Variants in GBP2 observed in about 807,000 individuals in gnomAD.
The protein encoded by GBP2 is guanylate-binding protein 2.
GBP2 carries 54 observed loss-of-function variants against 60.8 expected under a neutral mutation model. That is an observed-to-expected ratio of 0.89 (90% CI 0.71 to 1.11). The LOEUF is 1.11. GBP2 is among the 50% of genes most tolerant of loss of function. The pLI is 0.00. For missense variants in GBP2, 665 were observed against 703.3 expected (o/e 0.95, Z 0.62); for synonymous variants, 243 against 256.5 (o/e 0.95, Z 0.50).
chr1:89,120,471 T>C (rs1681376109), intron 3 of GBP2, among the ~76,000 whole-genome samples, 183 bp from the exon 4 acceptor site: 1 of 152,206 alleles, frequency 6.6e-6, no homozygotes, highest in Non-Finnish European at 1.5e-5. Context: ...TTATGATGTA[T>C]AATTTAAGGT....
In GBP2 at chr1:89,125,568, T is replaced by C. The variant is rs192276257; in HGVS notation, c.-18+295A>G. On this transcript the variant is annotated intron_variant, in intron 1 of 10. Transcript: ENST00000370466. ...CCTAGAGCTCTACAAGTGGCAATAA[T>C]GAATGTGATGGAGCCCTAACTTTAT... Among the ~76,000 whole-genome samples, 1,227 of 152,218 alleles carry C rather than the reference T, an allele frequency of 8.1e-3. 7 individuals carry two copies. Among genetic ancestry groups the C allele is most frequent in the Admixed American group, 0.014 (217 of 15,300 alleles).
chr1:89,112,958 C>A lies in GBP2; in HGVS notation c.1150-274G>T, dbSNP rs139000410. 876 of 441,110 alleles carry A rather than the reference C, an allele frequency of 2.0e-3. 6 individuals are homozygous for A. The highest frequency in any genetic ancestry group is 0.016 in the African/African-American group (778 of 50,110). 27.3% of individuals were successfully genotyped at this position (441,110 alleles called of 1,614,324 possible). ...AGCACATACACTATTTCATACGAAA[C>A]TTTTATCTTTCCAAGTCTCTCATTT... On this transcript the variant is annotated intron_variant, in intron 7 of 10. Coordinates refer to ENST00000370466, the MANE Select transcript of GBP2 (RefSeq NM_004120.5).
chr1:89,113,990 C>G (rs771223814), intron 7 of GBP2, 26 bp downstream of exon 7: 11 of 1,610,510 alleles, frequency 6.8e-6, no homozygotes, highest in Non-Finnish European at 9.3e-6. Context: ...TTTTCTGCCT[C>G]TCATGACGTA....
At chr1:89,120,663 G>A (rs914818349) in intron 3 of GBP2, among the ~76,000 whole-genome samples, 1 of 151,976 alleles carries the variant, frequency 6.6e-6, no homozygotes, top group African/African-American at 2.4e-5. Flanking sequence ...TTTAATAAAA[G>A]CTTTCTATGT....
intron 10 of GBP2, 48 bp from the exon 11 acceptor site, chr1:89,108,339 A>G: frequency 7.4e-6 from 9 of 1,217,460 alleles, no homozygotes; most frequent in Non-Finnish European, 1.1e-5. Flanking sequence ...ACACATTTCC[A>G]CCAGATTAGT....
chr1:89,122,189 C>G (rs760754589), intron 1 of GBP2, among the ~76,000 whole-genome samples: 9 of 152,096 alleles, frequency 5.9e-5, no homozygotes, highest in Non-Finnish European at 1.2e-4. Flanking sequence ...AATACACTTA[C>G]AGAAAAGATG....
rs1681134529 is a variant in GBP2, at chr1:89,110,150, T to G, written c.1465+14A>C. 1 of 1,588,674 alleles carries G rather than the reference T, an allele frequency of 6.3e-7. No homozygotes were observed. The highest frequency in any genetic ancestry group is 1.7e-5 in the Admixed American group (1 of 59,078). ...AGCTTTCCGACCATGTAGAGTGTTT[T>G]CAGCTGTTCTCACCTTCAATCGCTT... is the stretch of plus-strand genomic sequence containing the variant. On this transcript the variant is annotated intron_variant, in intron 9 of 10. Transcript: ENST00000370466.
In GBP2 at chr1:89,112,540, G is replaced by A. The variant is rs567894250; in HGVS notation, c.1294C>T (p.Arg432Cys). 26 of 1,614,076 alleles carry A rather than the reference G, an allele frequency of 1.6e-5. No homozygotes were observed. The highest frequency in any genetic ancestry group is 1.0e-4 in the Admixed American group (6 of 60,004). ...TCCTGCAGCTTCTGAGTAAAGAGAC[G>A]GTAACCTCCTGGTTTAGAAAATGTT... The part of the protein sequence containing the change: ...QGTFSKPGGY[R>C]LFTQKLQELK... Residue 432 changes from arginine to cysteine, a missense_variant, in exon 8 of 11, where the codon CGT (arginine) becomes TGT (cysteine). Physicochemically the swap from Arg to Cys is radical, Grantham distance 180 (BLOSUM62 -3). Transcript: ENST00000370466.
At chr1:89,113,994 T>C (rs765693375) in intron 7 of GBP2, 22 bp downstream of exon 7, 2 of 1,611,518 alleles carry the variant, frequency 1.2e-6, no homozygotes. Flanking sequence ...CTGCCTCTCA[T>C]GACGTAGAAC....
chr1:89,114,143 A>T lies in GBP2; in HGVS notation c.1022T>A (p.Val341Glu). Reference protein sequence around the residue: ...AHYEQQMGQKVQLPTETLQEL... With the variant: ...AHYEQQMGQKEQLPTETLQEL... ...CTGGAGGGTTTCCGTGGGCAGCTGC[A>T]CCTTCTGGCCCATCTGCTGTTCATA... Residue 341 changes from valine to glutamate, a missense_variant, in exon 7 of 11, where the codon GTG becomes GAG. Coordinates refer to ENST00000370466, the MANE Select transcript of GBP2 (RefSeq NM_004120.5). 6.2e-7 allele frequency: 1 copy of T among 1,614,190 alleles called. No homozygotes were observed. The highest frequency in any genetic ancestry group is 1.3e-5 in the African/African-American group (1 of 75,042).
intron 10 of GBP2, 24 bp from the exon 11 acceptor site, chr1:89,108,315 G>T: frequency 7.0e-7 from 1 of 1,420,768 alleles, no homozygotes. Context: ...TGGAGACTAA[G>T]CCTATCCAGC....
intron 3 of GBP2, 91 bp downstream of exon 3, chr1:89,121,052 G>A: frequency 1.1e-6 from 1 of 906,480 alleles, no homozygotes; most frequent in Non-Finnish European, 1.7e-6. Context: ...AGGAGTAGGA[G>A]TGATTGTGCA....
intron 8 of GBP2, among the ~76,000 whole-genome samples, chr1:89,111,623 G>C (rs1278833239): frequency 9.5e-5 from 2 of 20,978 alleles, no homozygotes; most frequent in Non-Finnish European, 2.6e-4. Context: ...AGAGGCTGAG[G>C]GGGTAATGGG....
intron 1 of GBP2, among the ~76,000 whole-genome samples, chr1:89,122,760 C>G (rs1681427742): frequency 6.6e-6 from 1 of 152,112 alleles, no homozygotes; most frequent in Non-Finnish European, 1.5e-5. Context: ...GAAGACTATG[C>G]AAATAAAGAT....
At position 89,107,762 on chromosome 1, in the gene GBP2, C is replaced by T. The variant is rs1053677935; in HGVS notation, c.*413G>A. On this transcript the variant is annotated 3_prime_UTR_variant, in exon 11 of 11. Coordinates refer to ENST00000370466, the MANE Select transcript of GBP2 (RefSeq NM_004120.5). The stretch of plus-strand genomic sequence containing the variant: ...TTCACAACACTTCAGCCCTATGCTA[C>T]GACCATAGTTAAATCCCTGAATAAG... Among the ~76,000 whole-genome samples the T allele has an allele frequency of 9.9e-5, 15 of 152,112 alleles. No individual in the cohort carries two copies. Among genetic ancestry groups the T allele is most frequent in the South Asian group, 4.1e-4 (2 of 4,822 alleles).
At chr1:89,110,126 G>T in intron 9 of GBP2, 38 bp downstream of exon 9, 1 of 1,457,448 alleles carries the variant, frequency 6.9e-7, no homozygotes, top group Non-Finnish European at 9.6e-7. Flanking sequence ...CATTTTGAGA[G>T]CTTTCCGACC....
At chr1:89,120,093 CCTGT>C (rs1681369020) in intron 4 of GBP2, 82 bp downstream of exon 4, 1 of 895,180 alleles carries the variant, frequency 1.1e-6, no homozygotes, top group South Asian at 1.4e-5. Flanking sequence ...TTCTTCAGTA[CCTGT>C]CTGTCTGCCT....
At chr1:89,109,174 T>C (rs1245069919) in intron 10 of GBP2, among the ~76,000 whole-genome samples, 2 of 151,992 alleles carry the variant, frequency 1.3e-5, no homozygotes, top group Admixed American at 1.3e-4. Flanking sequence ...GGATTACAGG[T>C]GTGAGCCACT....
intron 8 of GBP2, among the ~76,000 whole-genome samples, chr1:89,111,984 C>T (rs991605386): frequency 1.3e-5 from 2 of 152,130 alleles, no homozygotes; most frequent in Admixed American, 1.3e-4. Context: ...TTACAAATTT[C>T]GGATATTAGT....
Sources: allele counts gnomAD v4.1 joint callset (sites outside exome capture counted in the v4.1 genomes callset), GRCh38; gene constraint gnomAD v4.1.1; transcripts MANE v1.5; gene names NCBI Gene and HGNC (gene_info 2026-07-23, HGNC 2026-07-21).